VAPA: variants seen among roughly 807,000 people sequenced by gnomAD.
VAPA encodes VAMP associated protein A.
Under a neutral mutation model 25.6 loss-of-function variants are expected in VAPA, and 6 were observed. The observed-to-expected ratio is 0.23, with a 90% CI of 0.13 to 0.46. The LOEUF (loss-of-function observed/expected upper bound fraction) is 0.46. VAPA is among the 20% of genes least tolerant of loss of function. VAPA has a pLI of 0.99. For missense variants in VAPA, 244 were observed against 302.1 expected (o/e 0.81, Z 1.43); for synonymous variants, 112 against 106.2 (o/e 1.05, Z -0.34).
intron 4 of VAPA, among the ~76,000 whole-genome samples, chr18:9,943,861 T>TTA (rs1567899639): frequency 9.1e-6 from 1 of 109,932 alleles, no homozygotes; most frequent in African/African-American, 3.5e-5. Flanking sequence ...TTTTTTTTTT[T>TTA]TTTTTTTTTT....
intron 4 of VAPA, chr18:9,948,385 C>T (rs1431808618): frequency 6.6e-6 from 1 of 152,074 alleles, no homozygotes; most frequent in Non-Finnish European, 1.5e-5. Context: ...TATTTAATGA[C>T]ATGTCATTTA....
At chr18:9,916,165 T>C (rs1382460659) in intron 1 of VAPA, among the ~76,000 whole-genome samples, 5 of 152,188 alleles carry the variant, frequency 3.3e-5, no homozygotes, top group African/African-American at 1.2e-4. Context: ...TATGTTGCTA[T>C]AGTAAGGGAG....
rs942639053 is a variant in VAPA, at chr18:9,956,018, G to A, written c.*1807G>A. The A allele has an allele frequency of 1.1e-4, 16 of 152,014 alleles. No individual in the cohort carries two copies. Among genetic ancestry groups the A allele is most frequent in the African/African-American group, 3.6e-4 (15 of 41,368 alleles). 9.4% of individuals were successfully genotyped at this position (152,014 alleles called of 1,614,324 possible). A position where few individuals can be genotyped will look rare whatever the true frequency, so the allele number is the denominator to read the frequency against. ...CTCTTATATAATCAATATTATTGGT[G>A]GTAAATACCAAGTTTGGTATCTCAT... is the stretch of plus-strand genomic sequence containing the variant. On this transcript the variant is annotated 3_prime_UTR_variant, in exon 6 of 6. Coordinates refer to ENST00000400000, the MANE Select transcript of VAPA (RefSeq NM_194434.3).
At position 9,917,325 on chromosome 18, in the gene VAPA, G is replaced by A. The variant is rs147073312; in HGVS notation, c.79+2990G>A. On this transcript the variant is annotated intron_variant, in intron 1 of 5. Coordinates refer to ENST00000400000, the MANE Select transcript of VAPA (RefSeq NM_194434.3). ...TTTTTTAAATTTTTTTATTTTTTGA[G>A]ACGGAGTCTTGCTCTGTTGCAGTGG... 8.5e-4 allele frequency among the ~76,000 whole-genome samples: 129 copies of A among 151,734 alleles called. 1 individual carries two copies. In the East Asian group the frequency reaches 0.023, roughly 27 times the overall value.
intron 4 of VAPA, among the ~76,000 whole-genome samples, chr18:9,946,172 A>G (rs946387507): frequency 2.6e-5 from 4 of 152,256 alleles, no homozygotes; most frequent in African/African-American, 9.6e-5. Flanking sequence ...ACAGAAGTAC[A>G]GTCATGCATC....
chr18:9,935,760 A>T (rs2069303241), intron 2 of VAPA, among the ~76,000 whole-genome samples: 1 of 152,178 alleles, frequency 6.6e-6, no homozygotes, highest in African/African-American at 2.4e-5. Context: ...AGTTTTGAAA[A>T]TTTTCACAAG....
chr18:9,932,157 G>A (rs1171014805), intron 2 of VAPA, among the ~76,000 whole-genome samples, 195 bp downstream of exon 2: 1 of 152,244 alleles, frequency 6.6e-6, no homozygotes, highest in Non-Finnish European at 1.5e-5. Flanking sequence ...TGTAGGGAGT[G>A]TGGTCAGTTT....
chr18:9,953,962 T>C, intron 5 of VAPA, 91 bp from the exon 6 acceptor site: 3 of 1,510,226 alleles, frequency 2.0e-6, no homozygotes, highest in Non-Finnish European at 2.7e-6. Flanking sequence ...CAACCACTAA[T>C]CTACTTTCCG....
At chr18:9,920,859 A>T (rs1363824173) in intron 1 of VAPA, among the ~76,000 whole-genome samples, 2 of 152,204 alleles carry the variant, frequency 1.3e-5, no homozygotes, top group Non-Finnish European at 1.5e-5. Flanking sequence ...TCTGCTTAGA[A>T]TATTGTCCTC....
At chr18:9,950,603 A>G (rs953928268) in intron 5 of VAPA, 35 bp downstream of exon 5, 1 of 1,601,858 alleles carries the variant, frequency 6.2e-7, no homozygotes, top group East Asian at 2.2e-5. Context: ...ATTGATTGAA[A>G]TGAAGGTATA....
chr18:9,943,840 CCTTTTTTTTTTTTTTT>C (rs2069390724), intron 4 of VAPA, among the ~76,000 whole-genome samples: 2 of 90,446 alleles, frequency 2.2e-5, no homozygotes, highest in African/African-American at 7.3e-5. Flanking sequence ...GACATATTTC[CCTTTTTTTTTTTTTTT>C]TTTTTTTTTT....
At position 9,924,186 on chromosome 18, in the gene VAPA, TA is replaced by T. The variant is rs201743281; in HGVS notation, c.80-7614del. Among the ~76,000 whole-genome samples the T allele has an allele frequency of 6.6e-3, 989 of 149,266 alleles. 5 individuals are homozygous for T. Among genetic ancestry groups the T allele is most frequent in the Middle Eastern group, 0.032 (9 of 284 alleles). On this transcript the variant is annotated intron_variant, in intron 1 of 5. Transcript: ENST00000400000. ...TAGCAAAAACTTTAGATCTAAATAA[TA>T]AAAAAAAAAGTTTGTTTCAGGTTCT...
intron 1 of VAPA, chr18:9,914,880 C>T (rs962337577): frequency 4.6e-5 from 7 of 152,282 alleles, no homozygotes; most frequent in African/African-American, 1.7e-4. Flanking sequence ...GAGAGCCGCC[C>T]CCCGACCCCT....
Position 9,954,102 on chromosome 18 carries a change from C to T in VAPA, c.641C>T (p.Ser214Leu), listed in dbSNP as rs2069517751. 2.5e-6 allele frequency: 4 copies of T among 1,614,108 alleles called. No individual in the cohort carries two copies. Among genetic ancestry groups the T allele is most frequent in the Non-Finnish European group, 3.4e-6 (4 of 1,179,990 alleles). The change falls in exon 6 of 6, where the codon TCA (serine) becomes TTA (leucine). Residue 214 changes from serine to leucine, a missense_variant. Transcript: ENST00000400000. ...RKVAHSDKPG[S>L]TSTASFRDNV... ...GTAGCACATTCGGATAAACCTGGAT[C>T]AACCTCAACTGCATCCTTCAGAGAT...
chr18:9,943,103 A>G (rs1477363294), intron 4 of VAPA, among the ~76,000 whole-genome samples: 1 of 152,240 alleles, frequency 6.6e-6, no homozygotes, highest in East Asian at 1.9e-4. Flanking sequence ...TATATAAGTA[A>G]GGAAATGATT....
intron 3 of VAPA, chr18:9,936,522 G>A (rs1018348360): frequency 4.7e-6 from 1 of 213,964 alleles, no homozygotes; most frequent in Non-Finnish European, 9.1e-6. Context: ...CAGCTCAGGC[G>A]ACATGACAAG....
At chr18:9,915,358 G>C (rs1375696787) in intron 1 of VAPA, among the ~76,000 whole-genome samples, 2 of 152,190 alleles carry the variant, frequency 1.3e-5, no homozygotes, top group African/African-American at 2.4e-5. Flanking sequence ...GGTGATCCTG[G>C]AAGAATCCCA....
rs1438424639 is a variant in VAPA, at chr18:9,956,888, C to T, written c.*2677C>T. 6.6e-6 allele frequency: 1 copy of T among 152,080 alleles called. No homozygotes were observed. Among genetic ancestry groups the T allele is most frequent in the African/African-American group, 2.4e-5 (1 of 41,404 alleles). The allele number at this position is 152,080 out of a possible 1,614,324, so 9.4% of individuals were successfully genotyped here. A position where few individuals can be genotyped will look rare whatever the true frequency, so the allele number is the denominator to read the frequency against. On this transcript the variant is annotated 3_prime_UTR_variant, in exon 6 of 6. Transcript: ENST00000400000. ...TGCACTAGCTTCCTTCGTTCTATAACTAATGTACCTTAACTTCCCCCATTC... is the reference window on the plus strand; with the variant it reads ...TGCACTAGCTTCCTTCGTTCTATAATTAATGTACCTTAACTTCCCCCATTC...
At chr18:9,947,580 C>T (rs914009716) in intron 4 of VAPA, 2 of 152,160 alleles carry the variant, frequency 1.3e-5, no homozygotes, top group Non-Finnish European at 2.9e-5. Flanking sequence ...CCTTGACCTT[C>T]CAGCTTATTC....
Sources: gnomAD v4.1 joint callset for allele counts (sites outside exome capture counted in the v4.1 genomes callset) on GRCh38, gnomAD v4.1.1 for gene constraint, MANE v1.5 for transcripts, NCBI Gene and HGNC (gene_info 2026-07-23, HGNC 2026-07-21) for gene names.